CFAP61: variants seen among roughly 807,000 people sequenced by gnomAD.
The protein encoded by CFAP61 is cilia and flagella associated protein 61, also known as cilia- and flagella-associated protein 61.
CFAP61 carries 107 observed loss-of-function variants against 135.6 expected under a neutral mutation model. The ratio of observed to expected loss-of-function variants is 0.79; its 90% CI spans 0.67 to 0.93. The LOEUF is 0.93. Ranked by LOEUF, CFAP61 falls within the 40% of genes least tolerant of loss-of-function variation. The pLI is 0.00. For missense variants in CFAP61, 1,507 were observed against 1,556.2 expected (o/e 0.97, Z 0.53); for synonymous variants, 575 against 578.5 (o/e 0.99, Z 0.09).
At chr20:20,230,071 T>G (rs2049018763) in intron 18 of CFAP61, among the ~76,000 whole-genome samples, 1 of 152,242 alleles carries the variant, frequency 6.6e-6, no homozygotes, top group Non-Finnish European at 1.5e-5. Flanking sequence ...GCTATATACT[T>G]AGTCATAATG....
chr20:20,305,138 C>T lies in CFAP61; in HGVS notation c.3422+6752C>T, dbSNP rs551775342. On this transcript the variant is annotated intron_variant, in intron 25 of 26. Coordinates refer to ENST00000245957, the MANE Select transcript of CFAP61 (RefSeq NM_015585.4). ...CGCCACCACCGCCTCCACACTTCCC[C>T]GCACACGCCGGTGGCCTACATTTAC... Among the ~76,000 whole-genome samples, 7 of 152,348 alleles carry T rather than the reference C, an allele frequency of 4.6e-5. No homozygotes were observed. In the South Asian group the frequency reaches 8.3e-4, roughly 18 times the overall value.
chr20:20,070,245 G>T (rs932107429), intron 2 of CFAP61, among the ~76,000 whole-genome samples: 1 of 152,188 alleles, frequency 6.6e-6, no homozygotes, highest in Non-Finnish European at 1.5e-5. Context: ...CATTTCTGCA[G>T]CTGGGTCAGA....
chr20:20,305,151 G>A (rs2056395562), intron 25 of CFAP61, among the ~76,000 whole-genome samples: 2 of 152,208 alleles, frequency 1.3e-5, no homozygotes, highest in African/African-American at 4.8e-5. Flanking sequence ...ACACGCCGGT[G>A]GCCTACATTT....
At chr20:20,202,946 T>A (rs1056264840) in intron 17 of CFAP61, among the ~76,000 whole-genome samples, 2 of 151,972 alleles carry the variant, frequency 1.3e-5, no homozygotes, top group Admixed American at 1.3e-4. Flanking sequence ...AACAGATCAC[T>A]CCAGGCATGA....
intron 19 of CFAP61, among the ~76,000 whole-genome samples, chr20:20,251,265 C>T (rs2050869378): frequency 6.6e-6 from 1 of 151,844 alleles, no homozygotes; most frequent in Non-Finnish European, 1.5e-5. Context: ...AAATTTACAA[C>T]CACTCTGAAG....
At chr20:20,314,681 C>A (rs1353498339) in intron 25 of CFAP61, among the ~76,000 whole-genome samples, 2 of 115,584 alleles carry the variant, frequency 1.7e-5, no homozygotes, top group Non-Finnish European at 3.6e-5. Context: ...TGCTATCCCT[C>A]CCCCACCCCC....
intron 25 of CFAP61, among the ~76,000 whole-genome samples, chr20:20,319,222 G>T (rs2057306440): frequency 6.6e-6 from 1 of 152,224 alleles, no homozygotes; most frequent in Non-Finnish European, 1.5e-5. Context: ...AGCTTCCAGT[G>T]AGTAAAGCAG....
chr20:20,155,248 A>G (rs1434317297), intron 9 of CFAP61, among the ~76,000 whole-genome samples: 4 of 152,116 alleles, frequency 2.6e-5, no homozygotes, highest in Non-Finnish European at 5.9e-5. Context: ...CTGGATCCTC[A>G]TCTCTCACCT....
chr20:20,078,780 T>G (rs548273326), intron 6 of CFAP61, among the ~76,000 whole-genome samples: 1 of 152,266 alleles, frequency 6.6e-6, no homozygotes, highest in East Asian at 1.9e-4. Flanking sequence ...AATGAAATTA[T>G]TTAAGTAAAA....
At chr20:20,337,382 A>ATGGATGGATGGATGGATAGATGGGTGGG (rs2058251974) in intron 25 of CFAP61, among the ~76,000 whole-genome samples, 4 of 2,748 alleles carry the variant, frequency 1.5e-3, no homozygotes, top group African/African-American at 1.3e-3. Flanking sequence ...GGATGGATGG[A>ATGGATGGATGGATGGATAGATGGGTGGG]TGGATGGATG....
rs758885956 is a variant in CFAP61 at position 20,277,423 on chromosome 20, A to C, written c.2761A>C (p.Thr921Pro). ...AGACCCCATCTACAGCGCCTCCTTC[A>C]CCACACCCACCAAGCCTTTCAGACT... Reference protein sequence around the residue: ...HPDPIYSASFTTPTKPFRLQC... With the variant: ...HPDPIYSASFPTPTKPFRLQC... The change falls in exon 22 of 27, where the codon ACC becomes CCC. Residue 921 changes from threonine (T) to proline (P), a missense_variant. Transcript: ENST00000245957. 3 of 1,613,230 alleles carry C rather than the reference A, an allele frequency of 1.9e-6. No individual in the cohort carries two copies. The South Asian group carries it at 3.3e-5, about 18-fold the overall frequency.
At chr20:20,243,557 C>T (rs1037849160) in intron 18 of CFAP61, among the ~76,000 whole-genome samples, 9 of 152,112 alleles carry the variant, frequency 5.9e-5, no homozygotes, top group African/African-American at 2.2e-4. Flanking sequence ...TCTGCCTCAG[C>T]CTGCCAAGTA....
chr20:20,072,091 C>CTTTTTTTTTTTTTTTTTTTTTTT (rs71198039), intron 3 of CFAP61, among the ~76,000 whole-genome samples: 1 of 57,638 alleles, frequency 1.7e-5, no homozygotes, highest in African/African-American at 5.7e-5. Flanking sequence ...ATCTAGCAAT[C>CTTTTTTTTTTTTTTTTTTTTTTT]TTTTTTTTTT....
intron 25 of CFAP61, among the ~76,000 whole-genome samples, chr20:20,323,849 C>T (rs1050110573): frequency 6.6e-6 from 1 of 152,022 alleles, no homozygotes; most frequent in Admixed American, 6.6e-5. Flanking sequence ...TATATATAAA[C>T]AATATTTCAC....
intron 14 of CFAP61, among the ~76,000 whole-genome samples, chr20:20,188,716 CT>C (rs1431226304): frequency 2.0e-5 from 3 of 152,076 alleles, no homozygotes; most frequent in Non-Finnish European, 4.4e-5. Context: ...TGCATAGTCA[CT>C]TTTTTGATAC....
chr20:20,082,018 A>G (rs1568856370), intron 6 of CFAP61, among the ~76,000 whole-genome samples: 1 of 152,170 alleles, frequency 6.6e-6, no homozygotes. Flanking sequence ...TCGAGTTTTG[A>G]TACTTGCAGG....
At chr20:20,091,349 A>AT (rs572296197) in intron 7 of CFAP61, among the ~76,000 whole-genome samples, 11 of 152,048 alleles carry the variant, frequency 7.2e-5, no homozygotes, top group African/African-American at 2.2e-4. Context: ...TTGGAAAGGT[A>AT]TTTTTTTTAA....
At chr20:20,068,725 T>C (rs2045494991) in intron 2 of CFAP61, among the ~76,000 whole-genome samples, 1 of 152,204 alleles carries the variant, frequency 6.6e-6, no homozygotes, top group Non-Finnish European at 1.5e-5. Context: ...TTGTTTTAAA[T>C]GTTACATCTT....
intron 8 of CFAP61, among the ~76,000 whole-genome samples, chr20:20,126,251 T>G (rs181660340): frequency 6.6e-6 from 1 of 151,976 alleles, no homozygotes; most frequent in Admixed American, 6.5e-5. Flanking sequence ...GTAATGTTAT[T>G]TGTTGTCTGT....
Sources: allele counts gnomAD v4.1 joint callset (sites outside exome capture counted in the v4.1 genomes callset), GRCh38; gene constraint gnomAD v4.1.1; transcripts MANE v1.5; gene names NCBI Gene and HGNC (gene_info 2026-07-23, HGNC 2026-07-21).